The following GPC5 variants were observed in gnomAD, a reference collection of about 807,000 sequenced individuals.
The protein encoded by GPC5 is glypican 5, also known as glypican-5.
A neutral mutation model predicts 53.9 loss-of-function variants in GPC5; 47 were observed. That is an observed-to-expected ratio of 0.87 (90% CI 0.69 to 1.11). The LOEUF (loss-of-function observed/expected upper bound fraction) is 1.11. GPC5 is among the 50% of genes most tolerant of loss of function. The pLI is 0.00. For missense variants in GPC5, 748 were observed against 713.1 expected, an observed-to-expected ratio of 1.05 and a Z score of -0.56; for synonymous variants, 286 against 263.3, an observed-to-expected ratio of 1.09 and a Z score of -0.84.
rs115681326 is a variant in GPC5 at position 92,750,175 on chromosome 13, G to A, written c.1562-116107G>A. ...CTATTTTTCTCACACTGTGTGAGAA[G>A]TCATAAAAGGTAGAGTCCTATTAAT... On this transcript the variant is annotated intron_variant, in intron 7 of 7. Transcript: ENST00000377067. 6.4e-3 allele frequency among the ~76,000 whole-genome samples: 980 copies of A among 152,154 alleles called. 10 individuals carry two copies. Among genetic ancestry groups the A allele is most frequent in the African/African-American group, 0.023 (936 of 41,524 alleles).
At chr13:92,628,036 C>T (rs1885101575) in intron 7 of GPC5, among the ~76,000 whole-genome samples, 1 of 151,940 alleles carries the variant, frequency 6.6e-6, no homozygotes, top group Non-Finnish European at 1.5e-5. Flanking sequence ...TATTTTAAAC[C>T]ATAAGCAGTA....
chr13:92,765,726 G>A (rs1303885686), intron 7 of GPC5, among the ~76,000 whole-genome samples: 1 of 152,048 alleles, frequency 6.6e-6, no homozygotes, highest in Admixed American at 6.6e-5. Context: ...GATTTAACAA[G>A]CCTTCCATGT....
chr13:92,328,629 A>G (rs2043268137), intron 7 of GPC5, among the ~76,000 whole-genome samples: 1 of 152,188 alleles, frequency 6.6e-6, no homozygotes, highest in African/African-American at 2.4e-5. Context: ...AACCCCGACT[A>G]GGAGCAGACT....
intron 2 of GPC5, among the ~76,000 whole-genome samples, chr13:91,640,164 C>A (rs1299561251): frequency 6.6e-6 from 1 of 151,914 alleles, no homozygotes; most frequent in African/African-American, 2.4e-5. Context: ...AGAGAGATTC[C>A]GCATAGCAAA....
At chr13:92,706,724 G>A (rs974554066) in intron 7 of GPC5, among the ~76,000 whole-genome samples, 3 of 152,064 alleles carry the variant, frequency 2.0e-5, no homozygotes, top group Non-Finnish European at 2.9e-5. Flanking sequence ...AACTTATCAA[G>A]ACAAATTGAA....
chr13:92,172,373 T>C (rs368960430), intron 7 of GPC5, among the ~76,000 whole-genome samples: 2 of 152,208 alleles, frequency 1.3e-5, no homozygotes, highest in Admixed American at 1.3e-4. Flanking sequence ...CAAAATGAAA[T>C]GTTTTAAAGG....
intron 6 of GPC5, among the ~76,000 whole-genome samples, chr13:91,982,039 A>G (rs188928123): frequency 6.6e-6 from 1 of 152,332 alleles, no homozygotes; most frequent in East Asian, 1.9e-4. Flanking sequence ...GTGGTTAAGT[A>G]GTAGATACGT....
At position 91,479,578 on chromosome 13, in the gene GPC5, T is replaced by A. The variant is rs904861071; in HGVS notation, c.325+30656T>A. On this transcript the variant is annotated intron_variant, in intron 2 of 7. Transcript: ENST00000377067. ...CCCCAAGAATATAGTCTACTTAAAGTTTTTTTTGTGAATAGCTACATATAT... is the reference window on the plus strand; with the variant it reads ...CCCCAAGAATATAGTCTACTTAAAGATTTTTTTGTGAATAGCTACATATAT... 1.2e-4 allele frequency among the ~76,000 whole-genome samples: 18 copies of A among 149,010 alleles called. No homozygotes were observed. In the East Asian group the frequency reaches 2.6e-3, roughly 22 times the overall value.
At chr13:92,855,654 GAAATGACA>G (rs1878973930) in intron 7 of GPC5, among the ~76,000 whole-genome samples, 1 of 150,186 alleles carries the variant, frequency 6.7e-6, no homozygotes, top group African/African-American at 2.4e-5. Context: ...AACACAGTCA[GAAATGACA>G]AAAGTGACAT....
chr13:92,856,247 T>C (rs909274190), intron 7 of GPC5, among the ~76,000 whole-genome samples: 1 of 151,964 alleles, frequency 6.6e-6, no homozygotes, highest in African/African-American at 2.4e-5. Flanking sequence ...AGAATTCTAA[T>C]AAAAGCACAT....
At chr13:91,738,142 A>G (rs1223310082) in intron 4 of GPC5, among the ~76,000 whole-genome samples, 2 of 151,424 alleles carry the variant, frequency 1.3e-5, no homozygotes, top group Non-Finnish European at 2.9e-5. Flanking sequence ...AAGACAAACT[A>G]GGTCTCCTAG....
chr13:92,826,240 A>G (rs903932770), intron 7 of GPC5, among the ~76,000 whole-genome samples: 1 of 152,020 alleles, frequency 6.6e-6, no homozygotes, highest in African/African-American at 2.4e-5. Flanking sequence ...CAAAAGGGAG[A>G]TTATTCTGGG....
chr13:91,442,559 A>G (rs1880516335), intron 1 of GPC5, among the ~76,000 whole-genome samples: 1 of 152,106 alleles, frequency 6.6e-6, no homozygotes, highest in Non-Finnish European at 1.5e-5. Flanking sequence ...TTCCTTATGT[A>G]TCTGTTGAGA....
chr13:91,607,338 A>T (rs1182133644), intron 2 of GPC5, among the ~76,000 whole-genome samples: 1 of 152,118 alleles, frequency 6.6e-6, no homozygotes, highest in Non-Finnish European at 1.5e-5. Context: ...AAGATTTGGG[A>T]ATTTGATAAA....
intron 7 of GPC5, among the ~76,000 whole-genome samples, chr13:92,632,475 TATATATATATACAC>T (rs1885275294): frequency 7.9e-6 from 1 of 126,188 alleles, no homozygotes. Flanking sequence ...TATATATATA[TATATATATATACAC>T]ATATATATAT....
chr13:91,451,341 T>A (rs1318363264), intron 2 of GPC5, among the ~76,000 whole-genome samples: 1 of 152,180 alleles, frequency 6.6e-6, no homozygotes, highest in Admixed American at 6.5e-5. Context: ...ATGGACCTTA[T>A]GTGACCCCAC....
chr13:92,352,936 G>T (rs1294800220), intron 7 of GPC5, among the ~76,000 whole-genome samples: 1 of 152,164 alleles, frequency 6.6e-6, no homozygotes, highest in East Asian at 1.9e-4. Context: ...TGGTGGTGCT[G>T]TTCACAATAG....
intron 2 of GPC5, among the ~76,000 whole-genome samples, chr13:91,572,213 GTA>G (rs72458913): frequency 0.14 from 11,743 of 84,250 alleles, 1,167 homozygotes; most frequent in African/African-American, 0.18. Flanking sequence ...ATATATACGT[GTA>G]TATATATACA....
chr13:91,919,578 G>A (rs553991469), intron 6 of GPC5, among the ~76,000 whole-genome samples: 1 of 152,162 alleles, frequency 6.6e-6, no homozygotes, highest in Non-Finnish European at 1.5e-5. Context: ...TATATTCACA[G>A]AAGTTTACTT....
Sources: allele counts gnomAD v4.1 joint callset (sites outside exome capture counted in the v4.1 genomes callset), GRCh38; gene constraint gnomAD v4.1.1; transcripts MANE v1.5; gene names NCBI Gene and HGNC (gene_info 2026-07-23, HGNC 2026-07-21).